FAM50B: variants seen among roughly 807,000 people sequenced by gnomAD.
FAM50B encodes protein FAM50B.
Under a neutral mutation model 25.4 loss-of-function variants are expected in FAM50B, and 9 were observed. The ratio of observed to expected loss-of-function variants is 0.35; its 90% CI spans 0.21 to 0.62. The LOEUF is 0.62. Ranked by LOEUF, FAM50B falls within the 20% of genes least tolerant of loss-of-function variation. FAM50B has a pLI of 0.73. For missense variants in FAM50B, 372 were observed against 477.9 expected (o/e 0.78, Z 2.07); for synonymous variants, 212 against 204.3 (o/e 1.04, Z -0.32).
At chr6:3,838,840 C>CA in the FAM50B span, among the ~76,000 whole-genome samples, 923 of 47,132 alleles carry the variant, frequency 0.02, 30 homozygotes, top group African/African-American at 0.041. Context: ...GACTCCATCT[C>CA]AAAAAAAAAA....
At chr6:3,842,213 G>C in the FAM50B span, among the ~76,000 whole-genome samples, 9 of 152,340 alleles carry the variant, frequency 5.9e-5, no homozygotes, top group Non-Finnish European at 1.0e-4. Context: ...AACAAGAGGA[G>C]AGGACTGCCA....
chr6:3,838,845 A>G, the FAM50B span, among the ~76,000 whole-genome samples: 1 of 150,166 alleles, frequency 6.7e-6, no homozygotes, highest in Non-Finnish European at 1.5e-5. Flanking sequence ...CATCTCAAAA[A>G]AAAAAAAAAA....
upstream of FAM50B, among the ~76,000 whole-genome samples, chr6:3,848,936 A>C (rs531079641): frequency 2.9e-4 from 44 of 151,870 alleles, no homozygotes; most frequent in African/African-American, 1.0e-3. Context: ...TGCGCAGGTA[A>C]TGTTCACGAG....
chr6:3,839,269 A>G, the FAM50B span, among the ~76,000 whole-genome samples: 1 of 151,948 alleles, frequency 6.6e-6, no homozygotes, highest in Non-Finnish European at 1.5e-5. Context: ...TCTTTTTAAC[A>G]ACCAACTTTC....
Position 3,850,441 on chromosome 6 carries a change from G to C in FAM50B, c.630G>C (p.Gln210His). The C allele has an allele frequency of 6.2e-7, 1 of 1,613,484 alleles. No individual in the cohort carries two copies. Among genetic ancestry groups the C allele is most frequent in the Non-Finnish European group, 8.5e-7 (1 of 1,179,972 alleles). ...TVRVRKGNTV[Q>H]QFLKKALQGL... Reference sequence around the variant, plus strand: ...GGGTGCGCAAGGGCAACACGGTGCAGCAGTTCCTGAAGAAGGCGCTGCAGG... The same window carrying C: ...GGGTGCGCAAGGGCAACACGGTGCACCAGTTCCTGAAGAAGGCGCTGCAGG... The change falls in exon 2 of 2, where the codon CAG becomes CAC. Residue 210 changes from glutamine (Q) to histidine (H), a missense_variant. By Grantham distance (24) the Gln-to-His change is conservative. Coordinates refer to ENST00000648326, the MANE Select transcript of FAM50B (RefSeq NM_012135.3).
Position 3,850,165 on chromosome 6 carries a change from C to T in FAM50B, c.354C>T (p.Ser118=), listed in dbSNP as rs766840357. ...GGCGCGAGCGCAAGCGTAAGATCTC[C>T]TGCCTGTCCTTTGCACTAGACGACC... ...EQRRERKRKI[S]CLSFALDDLD... Residue 118 remains serine, a synonymous_variant, in exon 2 of 2, where the codon TCC becomes TCT. Coordinates refer to ENST00000648326, the MANE Select transcript of FAM50B (RefSeq NM_012135.3). 2.2e-5 allele frequency: 36 copies of T among 1,613,156 alleles called. No homozygotes were observed. The highest frequency in any genetic ancestry group is 1.9e-5 in the Non-Finnish European group (23 of 1,179,836).
upstream of FAM50B, among the ~76,000 whole-genome samples, chr6:3,848,767 G>A (rs1433686433): frequency 6.6e-6 from 1 of 152,186 alleles, no homozygotes; most frequent in Non-Finnish European, 1.5e-5. Flanking sequence ...TTAACTCAGT[G>A]TCCCATGGTT....
At chr6:3,833,594 T>C in the FAM50B span, 16 of 152,212 alleles carry the variant, frequency 1.1e-4, no homozygotes, top group Non-Finnish European at 1.8e-4. Flanking sequence ...AGGCCCTAAA[T>C]AAAATATTTT....
the FAM50B span, among the ~76,000 whole-genome samples, chr6:3,834,359 CAAA>C: frequency 0.086 from 6,464 of 74,976 alleles, 173 homozygotes; most frequent in East Asian, 0.24. Context: ...TGATATATGG[CAAA>C]AAAAAAAAAA....
upstream of FAM50B, among the ~76,000 whole-genome samples, chr6:3,847,166 C>T (rs948639459): frequency 4.6e-5 from 7 of 152,242 alleles, no homozygotes; most frequent in Non-Finnish European, 7.3e-5. Flanking sequence ...TCTCCAGCTA[C>T]ACTAGCCCCT....
the FAM50B span, among the ~76,000 whole-genome samples, chr6:3,839,274 A>C: frequency 6.6e-6 from 1 of 151,848 alleles, no homozygotes; most frequent in Admixed American, 6.6e-5. Context: ...TTAACAACCA[A>C]CTTTCTCAGA....
At chr6:3,839,492 G>A in the FAM50B span, among the ~76,000 whole-genome samples, 3 of 152,134 alleles carry the variant, frequency 2.0e-5, no homozygotes, top group Non-Finnish European at 4.4e-5. Context: ...CAGCGATGGG[G>A]AAAGAGTGTG....
the FAM50B span, among the ~76,000 whole-genome samples, chr6:3,832,242 C>A: frequency 6.6e-6 from 1 of 152,100 alleles, no homozygotes; most frequent in Non-Finnish European, 1.5e-5. Flanking sequence ...CTAGGAAGAC[C>A]TTTTTAGAAG....
chr6:3,850,914 A>G lies in FAM50B; in HGVS notation c.*125A>G. On this transcript the variant is annotated 3_prime_UTR_variant, in exon 2 of 2. Coordinates refer to ENST00000648326, the MANE Select transcript of FAM50B (RefSeq NM_012135.3). ...AATTTAATAAAGACAGAGGGTTCTC[A>G]TGATTCACATTGGTTGTGCTATTGC... The G allele has an allele frequency of 7.1e-7, 1 of 1,413,754 alleles. No homozygotes were observed. The highest frequency in any genetic ancestry group is 1.4e-5 in the South Asian group (1 of 69,656). 87.6% of individuals were successfully genotyped at this position (1,413,754 alleles called of 1,614,324 possible).
the FAM50B span, among the ~76,000 whole-genome samples, chr6:3,839,151 G>A: frequency 4.0e-5 from 6 of 151,538 alleles, no homozygotes; most frequent in African/African-American, 7.3e-5. Context: ...CTGCTTCTGC[G>A]GAAGCCTCAG....
chr6:3,849,679 C>T, intron 1 of FAM50B, 110 bp from the exon 2 acceptor site: 2 of 1,425,562 alleles, frequency 1.4e-6, no homozygotes, highest in Non-Finnish European at 1.8e-6. Flanking sequence ...GGCCCAGCCC[C>T]TGAACGCTTC....
At chr6:3,843,987 G>A in the FAM50B span, among the ~76,000 whole-genome samples, 1 of 152,294 alleles carries the variant, frequency 6.6e-6, no homozygotes, top group Non-Finnish European at 1.5e-5. Context: ...TCATTTCAAG[G>A]CTGACTCTGG....
the FAM50B span, among the ~76,000 whole-genome samples, chr6:3,834,419 TAA>T: frequency 6.8e-6 from 1 of 146,490 alleles, no homozygotes; most frequent in Non-Finnish European, 1.5e-5. Flanking sequence ...AGTTAAAATG[TAA>T]GTAACGAACT....
At position 3,850,753 on chromosome 6, in the gene FAM50B, C is replaced by T. The variant is rs1193092332; in HGVS notation, c.942C>T (p.Asp314=). ...IFPASRWEAY[D]PEKKWDKYTI... ...CCGCCAGCCGCTGGGAGGCCTATGA[C>T]CCCGAGAAGAAGTGGGACAAGTACA... Residue 314 remains aspartate, a synonymous_variant, in exon 2 of 2, where the codon GAC becomes GAT. Transcript: ENST00000648326. The T allele has an allele frequency of 1.2e-6, 2 of 1,613,876 alleles. No individual in the cohort carries two copies. The highest frequency in any genetic ancestry group is 2.2e-5 in the East Asian group (1 of 44,882).
Sources: gnomAD v4.1 joint callset for allele counts (sites outside exome capture counted in the v4.1 genomes callset) on GRCh38, gnomAD v4.1.1 for gene constraint, MANE v1.5 for transcripts, NCBI Gene and HGNC (gene_info 2026-07-23, HGNC 2026-07-21) for gene names.